Variants in COMMD1 observed in about 807,000 individuals in gnomAD.
COMMD1 encodes copper metabolism domain containing 1.
A neutral mutation model predicts 17.2 loss-of-function variants in COMMD1; 10 were observed. The observed-to-expected ratio is 0.58, with a 90% confidence interval of 0.36 to 0.99. The LOEUF is 0.99. Ranked by LOEUF, COMMD1 falls within the 50% of genes least tolerant of loss-of-function variation. The pLI is 0.01. For synonymous variants in COMMD1, 97 were observed against 91.6 expected, an observed-to-expected ratio of 1.06 and a Z score of -0.34; for missense variants, 270 against 231.8, an observed-to-expected ratio of 1.17 and a Z score of -1.07.
chr2:61,926,482 C>T (rs886435185), intron 1 of COMMD1, among the ~76,000 whole-genome samples: 5 of 152,096 alleles, frequency 3.3e-5, no homozygotes, highest in Admixed American at 2.0e-4. Flanking sequence ...AAATAGAATC[C>T]TGGAACCCCA....
intron 2 of COMMD1, among the ~76,000 whole-genome samples, chr2:62,071,460 G>A (rs530841891): frequency 1.3e-3 from 196 of 151,936 alleles, no homozygotes; most frequent in Non-Finnish European, 2.2e-3. Flanking sequence ...ATTTCATCTC[G>A]TGACTAACAA....
Position 61,985,433 on chromosome 2 carries a change from G to A in COMMD1, c.181-15268G>A, listed in dbSNP as rs146010414. 3.5e-3 allele frequency among the ~76,000 whole-genome samples: 526 copies of A among 152,240 alleles called. 8 individuals are homozygous for A. The highest frequency in any genetic ancestry group is 6.8e-3 in the Middle Eastern group (2 of 294). ...GTTTTTTTATCCATTCAGCCACTCT[G>A]TGTCTTTTGATTGGAGAGTTTGGTT... On this transcript the variant is annotated intron_variant, in intron 1 of 2. Transcript: ENST00000311832.
chr2:61,923,809 C>G (rs1670256496), intron 1 of COMMD1, among the ~76,000 whole-genome samples: 1 of 152,104 alleles, frequency 6.6e-6, no homozygotes, highest in Non-Finnish European at 1.5e-5. Flanking sequence ...AGGTCTGGCT[C>G]TATTGCCCAG....
chr2:61,958,669 C>T (rs1004553033), intron 1 of COMMD1, among the ~76,000 whole-genome samples: 1 of 152,114 alleles, frequency 6.6e-6, no homozygotes, highest in Non-Finnish European at 1.5e-5. Context: ...GGGAACAGAC[C>T]TTATTTTCAT....
At chr2:62,047,258 A>G (rs902151645) in intron 2 of COMMD1, among the ~76,000 whole-genome samples, 5 of 152,184 alleles carry the variant, frequency 3.3e-5, no homozygotes, top group African/African-American at 4.8e-5. Flanking sequence ...AAAAATTCTC[A>G]CTGCCTAGTG....
At chr2:61,959,007 A>C (rs1003048410) in intron 1 of COMMD1, among the ~76,000 whole-genome samples, 3 of 152,198 alleles carry the variant, frequency 2.0e-5, no homozygotes, top group African/African-American at 7.2e-5. Context: ...CTTTCCATGC[A>C]GATTTTTTAC....
intron 2 of COMMD1, among the ~76,000 whole-genome samples, chr2:62,035,705 A>C (rs1573097781): frequency 7.0e-6 from 1 of 142,460 alleles, no homozygotes; most frequent in Non-Finnish European, 1.5e-5. Context: ...TGCCAACTGC[A>C]CTCCAGCCTG....
chr2:62,063,866 A>AT (rs1670946481), intron 2 of COMMD1, among the ~76,000 whole-genome samples: 1 of 29,072 alleles, frequency 3.4e-5, no homozygotes, highest in African/African-American at 1.6e-4. Context: ...CTGTCTCTAC[A>AT]AAATATATAT....
At chr2:62,134,887 T>G (rs1171737558) in intron 2 of COMMD1, among the ~76,000 whole-genome samples, 1 of 152,198 alleles carries the variant, frequency 6.6e-6, no homozygotes, top group Non-Finnish European at 1.5e-5. Flanking sequence ...TTGCAGCAAG[T>G]GGAGGGACCC....
intron 1 of COMMD1, among the ~76,000 whole-genome samples, chr2:61,894,888 G>C (rs940811360): frequency 1.3e-5 from 2 of 151,950 alleles, no homozygotes; most frequent in African/African-American, 4.8e-5. Context: ...AGTAGAGGCA[G>C]GGTTTCACCA....
At chr2:61,912,465 G>A (rs1016008085) in intron 1 of COMMD1, among the ~76,000 whole-genome samples, 2 of 152,200 alleles carry the variant, frequency 1.3e-5, no homozygotes, top group African/African-American at 4.8e-5. Flanking sequence ...GGCCAGGTGC[G>A]GTGGCTCATG....
intron 1 of COMMD1, among the ~76,000 whole-genome samples, chr2:61,969,403 G>A (rs1671589566): frequency 6.6e-6 from 1 of 152,060 alleles, no homozygotes. Flanking sequence ...AGTCACCAGA[G>A]GCAAATTGCT....
intron 1 of COMMD1, among the ~76,000 whole-genome samples, chr2:61,914,431 G>A (rs994413164): frequency 1.4e-4 from 21 of 150,152 alleles, no homozygotes; most frequent in African/African-American, 5.1e-4. Context: ...ACAAAAATTA[G>A]GCATGGTGGC....
intron 1 of COMMD1, among the ~76,000 whole-genome samples, chr2:61,950,543 G>C (rs1184076125): frequency 2.0e-5 from 3 of 152,312 alleles, no homozygotes; most frequent in Middle Eastern, 3.4e-3. Flanking sequence ...CAAAACCATT[G>C]ATAGTACTGA....
intron 2 of COMMD1, among the ~76,000 whole-genome samples, chr2:62,130,985 T>A (rs1489439739): frequency 6.6e-6 from 1 of 151,814 alleles, no homozygotes; most frequent in Admixed American, 6.6e-5. Flanking sequence ...TCCTGAGGAG[T>A]GTTGAGTGGT....
At chr2:61,968,960 TTTTTA>T (rs1184650323) in intron 1 of COMMD1, 3 of 324,748 alleles carry the variant, frequency 9.2e-6, no homozygotes, top group Non-Finnish European at 1.9e-5. Context: ...TTTTTTTTTT[TTTTTA>T]AAGACAGGAT....
At chr2:62,065,033 C>T (rs1670988664) in intron 2 of COMMD1, among the ~76,000 whole-genome samples, 1 of 151,974 alleles carries the variant, frequency 6.6e-6, no homozygotes, top group African/African-American at 2.4e-5. Flanking sequence ...CTGGGCATGG[C>T]GGCAAGCACC....
chr2:61,952,262 T>G (rs1358811139), intron 1 of COMMD1, among the ~76,000 whole-genome samples: 2 of 152,176 alleles, frequency 1.3e-5, no homozygotes, highest in Non-Finnish European at 2.9e-5. Context: ...TTTGTCAGAC[T>G]AATGAAAGGC....
chr2:61,994,107 C>T (rs1668680009), intron 1 of COMMD1, among the ~76,000 whole-genome samples: 1 of 152,202 alleles, frequency 6.6e-6, no homozygotes, highest in South Asian at 2.1e-4. Context: ...CTGCATCGGC[C>T]TCTCGAGTAG....
Sources: allele counts gnomAD v4.1 joint callset (sites outside exome capture counted in the v4.1 genomes callset), GRCh38; gene constraint gnomAD v4.1.1; transcripts MANE v1.5; gene names NCBI Gene and HGNC (gene_info 2026-07-23, HGNC 2026-07-21).